Variants in FRMPD4 observed in about 807,000 individuals in gnomAD.
FRMPD4 encodes FERM and PDZ domain-containing protein 4.
Under a neutral mutation model 94.1 loss-of-function variants are expected in FRMPD4, and 22 were observed. The observed-to-expected ratio is 0.23, with a 90% confidence interval of 0.17 to 0.33. FRMPD4 has a LOEUF of 0.33. Ranked by LOEUF, FRMPD4 falls within the 10% of genes least tolerant of loss-of-function variation. FRMPD4 has a pLI of 1.00. For synonymous variants in FRMPD4, 631 were observed against 548.6 expected (o/e 1.15, Z -2.10); for missense variants, 1,111 against 1,339.9 (o/e 0.83, Z 2.67).
At chrX:12,178,723 G>C (rs1056062247) in intron 1 of FRMPD4, among the ~76,000 whole-genome samples, 1 of 111,797 alleles carries the variant, frequency 8.9e-6, no homozygotes, top group African/African-American at 3.3e-5. Context: ...ATAAGAGTTC[G>C]TAATATTGTG....
chrX:12,472,672 G>A (rs1162523328), intron 1 of FRMPD4, among the ~76,000 whole-genome samples: 3 of 112,233 alleles, frequency 2.7e-5, no homozygotes, highest in African/African-American at 9.7e-5. Flanking sequence ...GAATGCACAA[G>A]CCTCAGTAGC....
intron 3 of FRMPD4, among the ~76,000 whole-genome samples, chrX:11,929,799 T>G (rs1180125356): frequency 9.1e-6 from 1 of 110,289 alleles, no homozygotes; most frequent in East Asian, 2.9e-4. Flanking sequence ...AGGTGGCAAA[T>G]AGAATTCTAG....
intron 1 of FRMPD4, among the ~76,000 whole-genome samples, chrX:12,205,572 ACT>A (rs975128746): frequency 1.8e-5 from 2 of 111,604 alleles, no homozygotes; most frequent in African/African-American, 6.5e-5. Context: ...CTTTCTGTAT[ACT>A]CTCAGAGTGT....
rs979070499 is a variant in FRMPD4 at position 12,178,285 on chromosome X, T to A, written c.41+39273T>A. ...ACCGTGAGCAATACATTTCTGTTGT[T>A]TATAAATTACCCAGTTTAAAGTATT... On this transcript the variant is annotated intron_variant, in intron 1 of 16. Coordinates refer to ENST00000675598, the MANE Select transcript of FRMPD4 (RefSeq NM_001368397.1). Among the ~76,000 whole-genome samples the A allele has an allele frequency of 2.7e-5, 3 of 111,450 alleles. No homozygotes were observed. In the Admixed American group the frequency reaches 2.9e-4, roughly 11 times the overall value.
At chrX:11,918,117 C>T (rs1214884816) in intron 3 of FRMPD4, among the ~76,000 whole-genome samples, 6 of 112,373 alleles carry the variant, frequency 5.3e-5, no homozygotes, top group Non-Finnish European at 1.1e-4. Flanking sequence ...TAGATGTTCT[C>T]TTACTTCACT....
chrX:11,927,923 G>A (rs2054098489), intron 3 of FRMPD4, among the ~76,000 whole-genome samples: 1 of 111,836 alleles, frequency 8.9e-6, no homozygotes, highest in African/African-American at 3.2e-5. Context: ...TTAAACTAAA[G>A]AGCTTCTGCA....
chrX:11,994,589 G>A (rs2054486757), intron 3 of FRMPD4, among the ~76,000 whole-genome samples: 1 of 111,437 alleles, frequency 9.0e-6, no homozygotes, highest in African/African-American at 3.3e-5. Context: ...AGAGGCAATG[G>A]AGTCTGTTAA....
chrX:12,149,223 A>C, intron 1 of FRMPD4: 1 of 112,042 alleles, frequency 8.9e-6, no homozygotes, highest in Non-Finnish European at 1.9e-5. Context: ...TCAGTACTAC[A>C]CTTGACTAGT....
At position 12,107,664 on chromosome X, in the gene FRMPD4, G is replaced by A; in HGVS notation, c.95+229646G>A. On this transcript the variant is annotated intron_variant, in intron 3 of 18. Coordinates refer to the FRMPD4 transcript ENST00000640291. Reference sequence around the variant, plus strand: ...AGTTTGAACCCATCACAAAGAAGATGAAACCTTGAAAAAAGAGTAGATGAA... The same window carrying A: ...AGTTTGAACCCATCACAAAGAAGATAAAACCTTGAAAAAAGAGTAGATGAA... Among the ~76,000 whole-genome samples the A allele has an allele frequency of 2.7e-5, 3 of 111,439 alleles. 1 individual carries two copies. The highest frequency in any genetic ancestry group is 5.7e-5 in the Non-Finnish European group (3 of 53,062).
At chrX:12,168,422 A>G (rs753675503) in intron 1 of FRMPD4, among the ~76,000 whole-genome samples, 8 of 110,026 alleles carry the variant, frequency 7.3e-5, no homozygotes, top group Non-Finnish European at 1.3e-4. Flanking sequence ...TGCCATCTGC[A>G]TGCAACTTAA....
At chrX:12,050,346 G>T (rs748674034) in intron 3 of FRMPD4, among the ~76,000 whole-genome samples, 5 of 111,597 alleles carry the variant, frequency 4.5e-5, no homozygotes, top group Non-Finnish European at 7.6e-5. Flanking sequence ...ACTTAGCATT[G>T]TGCTGCAATT....
At chrX:12,105,139 C>T (rs2147513962) in intron 3 of FRMPD4, among the ~76,000 whole-genome samples, 1 of 111,553 alleles carries the variant, frequency 9.0e-6, no homozygotes, top group South Asian at 3.8e-4. Flanking sequence ...TTCAATTTTG[C>T]CCATGAGCAA....
intron 3 of FRMPD4, among the ~76,000 whole-genome samples, chrX:12,000,160 T>A (rs1042517649): frequency 8.9e-6 from 1 of 112,017 alleles, no homozygotes; most frequent in Non-Finnish European, 1.9e-5. Context: ...CCACTTGAAC[T>A]CTTTTACCAT....
chrX:11,849,810 A>G (rs1224617400), intron 1 of FRMPD4, among the ~76,000 whole-genome samples: 2 of 111,405 alleles, frequency 1.8e-5, no homozygotes, highest in Non-Finnish European at 3.8e-5. Flanking sequence ...CATATGTGCT[A>G]AAACTATAAA....
In FRMPD4 at chrX:12,091,002, T is replaced by C. The variant is rs183320826; in HGVS notation, c.95+212984T>C. Among the ~76,000 whole-genome samples the C allele has an allele frequency of 4.0e-3, 452 of 112,160 alleles. 3 individuals are homozygous for C. Among genetic ancestry groups the C allele is most frequent in the African/African-American group, 0.014 (431 of 30,899 alleles). ...AAGTAAGTTCACAATTTTTCCTTTGTTTCCCCTTGGAGAGTATTAGAATGG... is the reference window on the plus strand; with the variant it reads ...AAGTAAGTTCACAATTTTTCCTTTGCTTCCCCTTGGAGAGTATTAGAATGG... On this transcript the variant is annotated intron_variant, in intron 3 of 18. Transcript: ENST00000640291.
intron 1 of FRMPD4, among the ~76,000 whole-genome samples, chrX:12,216,127 C>T (rs930399433): frequency 2.3e-4 from 26 of 112,014 alleles, no homozygotes; most frequent in African/African-American, 8.4e-4. Flanking sequence ...GTAGTGCAAA[C>T]AACCATTTAT....
At chrX:12,560,793 G>A (rs1330223490) in intron 2 of FRMPD4, among the ~76,000 whole-genome samples, 58 of 63,019 alleles carry the variant, frequency 9.2e-4, no homozygotes, top group African/African-American at 3.4e-3. Context: ...TTTTTGAGAC[G>A]GAGTCTCGCT....
At chrX:12,084,097 A>G (rs1006382660) in intron 3 of FRMPD4, among the ~76,000 whole-genome samples, 8 of 97,200 alleles carry the variant, frequency 8.2e-5, no homozygotes, top group African/African-American at 3.1e-4. Context: ...GCAGAATGAT[A>G]TGGTTTGGCT....
chrX:12,379,675 G>GTGTC (rs1239596835), intron 1 of FRMPD4, among the ~76,000 whole-genome samples: 2 of 107,358 alleles, frequency 1.9e-5, no homozygotes, highest in Non-Finnish European at 3.8e-5. Flanking sequence ...GTGTGTGTGT[G>GTGTC]TGTGTGTGTA....
Sources: gnomAD v4.1 joint callset for allele counts (sites outside exome capture counted in the v4.1 genomes callset) on GRCh38, gnomAD v4.1.1 for gene constraint, MANE v1.5 for transcripts, NCBI Gene and HGNC (gene_info 2026-07-23, HGNC 2026-07-21) for gene names.